Variants in HGF observed in about 807,000 individuals in gnomAD.
The protein encoded by HGF is fibroblast-derived tumor cytotoxic factor.
Under a neutral mutation model 111.6 loss-of-function variants are expected in HGF, and 39 were observed. The observed-to-expected ratio is 0.35, with a 90% CI of 0.27 to 0.46. HGF has a LOEUF of 0.46. Among genes scored for constraint, HGF ranks in the 20% least tolerant of loss-of-function variants. HGF has a pLI of 1.00. For missense variants in HGF, 735 were observed against 910.5 expected (o/e 0.81, Z 2.48); for synonymous variants, 285 against 294.8 (o/e 0.97, Z 0.34).
chr7:81,715,003 T>G (rs1789672203), intron 11 of HGF, among the ~76,000 whole-genome samples: 1 of 152,152 alleles, frequency 6.6e-6, no homozygotes, highest in African/African-American at 2.4e-5. Context: ...CAACAGCACA[T>G]TACTTTTAGT....
At chr7:81,732,422 G>C (rs746604665) in intron 7 of HGF, among the ~76,000 whole-genome samples, 1 of 152,140 alleles carries the variant, frequency 6.6e-6, no homozygotes, top group Non-Finnish European at 1.5e-5. Context: ...AGGGGTGAGA[G>C]AGTAAAATTT....
chr7:81,748,109 A>G (rs917146094), intron 5 of HGF, among the ~76,000 whole-genome samples: 1 of 151,858 alleles, frequency 6.6e-6, no homozygotes, highest in Non-Finnish European at 1.5e-5. Flanking sequence ...TAGTCTTAGT[A>G]TTTTTTTTGC....
intron 4 of HGF, among the ~76,000 whole-genome samples, chr7:81,752,547 A>C (rs994057870): frequency 1.3e-5 from 2 of 152,124 alleles, no homozygotes; most frequent in Non-Finnish European, 2.9e-5. Flanking sequence ...AAGTTGTCTG[A>C]AACATAATTT....
rs1381615839 is a variant in HGF at position 81,729,671 on chromosome 7, G to A, written c.974C>T (p.Pro325Leu). The A allele has an allele frequency of 1.2e-6, 2 of 1,613,648 alleles. No individual in the cohort carries two copies. Among genetic ancestry groups the A allele is most frequent in the African/African-American group, 2.7e-5 (2 of 74,880 alleles). Residue 325 changes from proline (P) to leucine (L), a missense_variant, in exon 8 of 18, where the codon CCA becomes CTA. Around this residue, in one of 3 missense-constraint regions of HGF, gnomAD observed 553 missense variants for 685.6 expected, o/e 0.81. Coordinates refer to ENST00000222390, the MANE Select transcript of HGF (RefSeq NM_000601.6). ...ATACTGAGAATCCCAACGCTGACAT[G>A]GAATTCCATTCCAAATGGTATTGAC... ...GTVNTIWNGI[P>L]CQRWDSQYPH...
intron 17 of HGF, among the ~76,000 whole-genome samples, chr7:81,704,644 C>G (rs1159699898): frequency 6.6e-6 from 1 of 151,762 alleles, no homozygotes; most frequent in East Asian, 1.9e-4. Context: ...TCCATACTTA[C>G]AGCATGCATT....
chr7:81,729,482 C>G (rs936231224), intron 8 of HGF, 123 bp downstream of exon 8: 1 of 754,594 alleles, frequency 1.3e-6, no homozygotes, highest in Admixed American at 1.9e-5. Flanking sequence ...TGCCTTTTAA[C>G]TCCTGATTAT....
In HGF at chr7:81,701,461, G is replaced by C. The variant is rs1789277340; in HGVS notation, c.*1120C>G. The stretch of plus-strand genomic sequence containing the variant: ...GATGAAGGGTATTTATAAAACTTTG[G>C]AGACTTGGAAATTTTCCTCTTAAAT... On this transcript the variant is annotated 3_prime_UTR_variant, in exon 18 of 18. Coordinates refer to ENST00000222390, the MANE Select transcript of HGF (RefSeq NM_000601.6). The C allele has an allele frequency of 6.6e-6, 1 of 151,386 alleles. No homozygotes were observed. The highest frequency in any genetic ancestry group is 2.4e-5 in the African/African-American group (1 of 41,338). 9.4% of individuals were successfully genotyped at this position (151,386 alleles called of 1,614,324 possible).
chr7:81,743,615 T>G, intron 6 of HGF, 144 bp from the exon 7 acceptor site: 1 of 725,216 alleles, frequency 1.4e-6, no homozygotes, highest in Admixed American at 1.9e-5. Context: ...TTACGAGGAC[T>G]GCTGATCACT....
chr7:81,744,110 C>G (rs997113297), intron 6 of HGF, among the ~76,000 whole-genome samples: 2 of 152,118 alleles, frequency 1.3e-5, no homozygotes, highest in Middle Eastern at 3.4e-3. Flanking sequence ...TTAAAAATAA[C>G]ACCAAACAAA....
chr7:81,730,255 C>A (rs1238720330), intron 7 of HGF, among the ~76,000 whole-genome samples: 4 of 151,990 alleles, frequency 2.6e-5, no homozygotes, highest in Non-Finnish European at 4.4e-5. Context: ...TTAAGACCAG[C>A]CTGGCCAACA....
At position 81,722,845 on chromosome 7, in the gene HGF, G is replaced by GTATATATATATATA. The variant is rs144391393; in HGVS notation, c.1169-2012_1169-1999dup. 1.3e-3 allele frequency among the ~76,000 whole-genome samples: 173 copies of GTATATATATATATA among 132,620 alleles called. 3 individuals are homozygous for GTATATATATATATA. Among genetic ancestry groups the GTATATATATATATA allele is most frequent in the African/African-American group, 5.4e-3 (165 of 30,626 alleles). 87.0% of individuals were successfully genotyped at this position (132,620 alleles called of 152,430 possible). A position where few individuals can be genotyped will look rare whatever the true frequency, so the allele number is the denominator to read the frequency against. On this transcript the variant is annotated intron_variant, in intron 9 of 17. Coordinates refer to ENST00000222390, the MANE Select transcript of HGF (RefSeq NM_000601.6). ...AAAAAAAAAAAAGAAATTTAAAAAGGTATATATATATATATATGTTGCATT... is the reference window on the plus strand; with the variant it reads ...AAAAAAAAAAAAGAAATTTAAAAAGGTATATATATATATATATATATATATATATATGTTGCATT...
chr7:81,751,025 A>G, intron 5 of HGF: 1 of 984,458 alleles, frequency 1.0e-6, no homozygotes, highest in African/African-American at 1.7e-5. Flanking sequence ...TGTAGCACAT[A>G]AAGTCAAGGA....
At chr7:81,756,276 G>T in intron 4 of HGF, 1 of 523,706 alleles carries the variant, frequency 1.9e-6, no homozygotes, top group Non-Finnish European at 3.4e-6. Context: ...ACTACCCGCT[G>T]TGTGGTTCTC....
chr7:81,757,005 T>C (rs957891947), intron 4 of HGF, 184 bp downstream of exon 4: 2 of 608,402 alleles, frequency 3.3e-6, no homozygotes, highest in African/African-American at 3.7e-5. Context: ...CTACATTTTA[T>C]TAACATATTA....
chr7:81,727,102 G>A (rs981745619), intron 8 of HGF, among the ~76,000 whole-genome samples: 1 of 150,384 alleles, frequency 6.6e-6, no homozygotes, highest in Non-Finnish European at 1.5e-5. Context: ...GTGCAGTGGC[G>A]TGATATCGGC....
Position 81,705,701 on chromosome 7 carries a change from A to T in HGF, c.1810T>A (p.Cys604Ser), listed in dbSNP as rs2115766118. The change falls in exon 16 of 18, where the codon TGC becomes AGC. Residue 604 changes from cysteine to serine, a missense_variant. Physicochemically the swap from Cys to Ser is moderately radical, Grantham distance 112 (BLOSUM62 -1). Coordinates refer to ENST00000222390, the MANE Select transcript of HGF (RefSeq NM_000601.6). ...VSTIDLPNYG[C>S]TIPEKTSCSV... ...CAACTGGTCTTTTCAGGAATTGTGC[A>T]TCCATAATTAGGTAAATCAATCGTA... The T allele has an allele frequency of 6.2e-7, 1 of 1,612,746 alleles. No homozygotes were observed. Among genetic ancestry groups the T allele is most frequent in the Non-Finnish European group, 8.5e-7 (1 of 1,179,084 alleles).
At chr7:81,712,896 T>C (rs970973608) in intron 11 of HGF, among the ~76,000 whole-genome samples, 3 of 152,194 alleles carry the variant, frequency 2.0e-5, no homozygotes, top group Non-Finnish European at 4.4e-5. Context: ...AATAGGTTAA[T>C]GGTAAACATA....
chr7:81,726,135 T>C, intron 8 of HGF, 118 bp from the exon 9 acceptor site: 1 of 1,012,096 alleles, frequency 9.9e-7, no homozygotes, highest in Non-Finnish European at 1.5e-6. Context: ...GTTCTAACTT[T>C]TTGGACTCAG....
At chr7:81,735,006 C>A (rs1046728707) in intron 7 of HGF, among the ~76,000 whole-genome samples, 89 of 152,166 alleles carry the variant, frequency 5.8e-4, no homozygotes, top group African/African-American at 1.8e-3. Context: ...TACTAAAGAG[C>A]AACTGAAATA....
Sources: gnomAD v4.1 joint callset for allele counts (sites outside exome capture counted in the v4.1 genomes callset) on GRCh38, gnomAD v4.1.1 for gene constraint, gnomAD v4.1.1 regional missense constraint, MANE v1.5 for transcripts, NCBI Gene and HGNC (gene_info 2026-07-23, HGNC 2026-07-21) for gene names.